The following CNTLN variants were observed in gnomAD, a reference collection of about 807,000 sequenced individuals.
CNTLN encodes centlein, centrosomal protein.
Under a neutral mutation model 180.0 loss-of-function variants are expected in CNTLN, and 212 were observed. The ratio of observed to expected loss-of-function variants is 1.18; its 90% confidence interval spans 1.05 to 1.32. CNTLN has a LOEUF of 1.32. Ranked by LOEUF, CNTLN falls within the 40% of genes most tolerant of loss-of-function variation. The pLI is 0.00. For missense variants in CNTLN, 2,095 were observed against 1,610.9 expected (o/e 1.30, Z -5.14); for synonymous variants, 722 against 563.1 (o/e 1.28, Z -3.99).
intron 25 of CNTLN, among the ~76,000 whole-genome samples, chr9:17,487,933 A>C (rs190538727): frequency 4.1e-4 from 63 of 152,252 alleles, no homozygotes; most frequent in Admixed American, 1.9e-3. Context: ...CTTTTTCATT[A>C]TAGTTCTTTC....
intron 5 of CNTLN, among the ~76,000 whole-genome samples, chr9:17,256,930 A>C (rs1179582528): frequency 6.6e-6 from 1 of 151,868 alleles, no homozygotes; most frequent in Non-Finnish European, 1.5e-5. Context: ...GGCCTAGTGC[A>C]GGAGCTCAGT....
Position 17,146,973 on chromosome 9 carries a change from C to T in CNTLN, c.449+3597C>T, listed in dbSNP as rs1223672749. Among the ~76,000 whole-genome samples, 5 of 152,034 alleles carry T rather than the reference C, an allele frequency of 3.3e-5. No homozygotes were observed. The East Asian group carries it at 9.7e-4, about 29-fold the overall frequency. On this transcript the variant is annotated intron_variant, in intron 2 of 25. Transcript: ENST00000380647. ...CTCTGTTTTAAATTAAAAAAAATTT[C>T]CTTGTCTTTCTCTTTGATGCTGTTG...
Position 17,399,820 on chromosome 9 carries a change from A to G in CNTLN, c.2615+4751A>G, listed in dbSNP as rs186776226. 3.3e-5 allele frequency among the ~76,000 whole-genome samples: 5 copies of G among 152,344 alleles called. No individual in the cohort carries two copies. The East Asian group carries it at 9.6e-4, about 29-fold the overall frequency. On this transcript the variant is annotated intron_variant, in intron 15 of 25. Coordinates refer to ENST00000380647, the MANE Select transcript of CNTLN (RefSeq NM_017738.4). The stretch of plus-strand genomic sequence containing the variant: ...TATACCAGAGGAAAGGAACGTCCTT[A>G]TCTCAAAAGACAGAGGAACACCAAG...
chr9:17,451,192 A>T (rs1435119944), intron 18 of CNTLN, among the ~76,000 whole-genome samples: 1 of 152,038 alleles, frequency 6.6e-6, no homozygotes, highest in Non-Finnish European at 1.5e-5. Flanking sequence ...GATTATGGTG[A>T]CTTTCTAGGG....
the CNTLN span, among the ~76,000 whole-genome samples, chr9:17,521,648 A>G: frequency 6.6e-6 from 1 of 152,096 alleles, no homozygotes. Flanking sequence ...ATGGTGTGGA[A>G]CTCTACTATC....
At chr9:17,231,000 T>TA in intron 3 of CNTLN, among the ~76,000 whole-genome samples, 1 of 152,278 alleles carries the variant, frequency 6.6e-6, no homozygotes, top group East Asian at 1.9e-4. Context: ...ATTAAGTTGT[T>TA]ATTCTCTCTA....
intron 25 of CNTLN, among the ~76,000 whole-genome samples, chr9:17,502,111 TGA>T (rs1833781505): frequency 6.6e-6 from 1 of 152,202 alleles, no homozygotes; most frequent in Admixed American, 6.5e-5. Flanking sequence ...CTACAATTCT[TGA>T]GATTTTCGGC....
In CNTLN at chr9:17,349,284, T is replaced by C. The variant is rs112260648; in HGVS notation, c.1886+6840T>C. 3.0e-3 allele frequency among the ~76,000 whole-genome samples: 456 copies of C among 152,314 alleles called. 4 individuals carry two copies. The highest frequency in any genetic ancestry group is 0.01 in the African/African-American group (432 of 41,580). Reference sequence around the variant, plus strand: ...ACAGAAGTTTCAGCTTGTTTTTCTATGGGCCAGGCAGTCTTACTTTTGAGT... The same window carrying C: ...ACAGAAGTTTCAGCTTGTTTTTCTACGGGCCAGGCAGTCTTACTTTTGAGT... On this transcript the variant is annotated intron_variant, in intron 12 of 25. Transcript: ENST00000380647.
At chr9:17,183,110 T>C (rs1821225546) in intron 2 of CNTLN, among the ~76,000 whole-genome samples, 1 of 152,224 alleles carries the variant, frequency 6.6e-6, no homozygotes. Flanking sequence ...TAGTGATGGA[T>C]AGAATCTGTA....
At chr9:17,412,094 A>G (rs1439481874) in intron 16 of CNTLN, among the ~76,000 whole-genome samples, 2 of 150,936 alleles carry the variant, frequency 1.3e-5, no homozygotes, top group South Asian at 2.1e-4. Flanking sequence ...TCCAGCCATG[A>G]TGGTATCAGC....
chr9:17,456,743 A>G (rs529940781), intron 18 of CNTLN, among the ~76,000 whole-genome samples: 2 of 152,204 alleles, frequency 1.3e-5, no homozygotes, highest in South Asian at 2.1e-4. Context: ...AGTAATGCAA[A>G]CACCCTCTTA....
At chr9:17,213,705 G>T (rs1342678353) in intron 2 of CNTLN, among the ~76,000 whole-genome samples, 2 of 152,234 alleles carry the variant, frequency 1.3e-5, no homozygotes, top group Non-Finnish European at 1.5e-5. Context: ...CTCTTTGTAG[G>T]TCTCTAAGGA....
intron 14 of CNTLN, among the ~76,000 whole-genome samples, chr9:17,392,248 A>T (rs1364310745): frequency 2.0e-5 from 3 of 152,162 alleles, no homozygotes; most frequent in Non-Finnish European, 2.9e-5. Flanking sequence ...CTGGGCAATA[A>T]AGTGAGATCT....
At chr9:17,179,284 T>G (rs1318731408) in intron 2 of CNTLN, among the ~76,000 whole-genome samples, 1 of 151,364 alleles carries the variant, frequency 6.6e-6, no homozygotes, top group Admixed American at 6.6e-5. Context: ...AGATTATTGA[T>G]TTGAGATTTT....
chr9:17,346,430 C>G (rs1328339280), intron 12 of CNTLN, among the ~76,000 whole-genome samples: 1 of 152,146 alleles, frequency 6.6e-6, no homozygotes, highest in Non-Finnish European at 1.5e-5. Context: ...ATGGGAATTA[C>G]AATTCAAGAT....
chr9:17,362,970 T>C (rs1451656973), intron 12 of CNTLN, among the ~76,000 whole-genome samples: 2 of 152,164 alleles, frequency 1.3e-5, no homozygotes, highest in African/African-American at 4.8e-5. Context: ...CTCCCACTTA[T>C]GAGTGAGAAA....
chr9:17,266,303 G>A (rs1020696462), intron 5 of CNTLN, among the ~76,000 whole-genome samples: 2 of 152,182 alleles, frequency 1.3e-5, no homozygotes, highest in Non-Finnish European at 2.9e-5. Context: ...GTACCCAGTA[G>A]TCACTCAGGA....
rs1029923526 is a variant in CNTLN at position 17,262,045 on chromosome 9, G to T, written c.850-11688G>T. On this transcript the variant is annotated intron_variant, in intron 5 of 25. Coordinates refer to ENST00000380647, the MANE Select transcript of CNTLN (RefSeq NM_017738.4). ...ATGAGATACCATCTCACGCCAGTTAGAACAGCGATTATTAAAAAGTTAGGA... is the reference window on the plus strand; with the variant it reads ...ATGAGATACCATCTCACGCCAGTTATAACAGCGATTATTAAAAAGTTAGGA... 5.9e-5 allele frequency among the ~76,000 whole-genome samples: 9 copies of T among 151,520 alleles called. 2 individuals carry two copies. Among genetic ancestry groups the T allele is most frequent in the African/African-American group, 2.2e-4 (9 of 40,814 alleles).
chr9:17,259,031 A>AGG (rs1463872478), intron 5 of CNTLN, among the ~76,000 whole-genome samples: 2 of 149,586 alleles, frequency 1.3e-5, no homozygotes, highest in Non-Finnish European at 2.9e-5. Flanking sequence ...GTGGTGAGAG[A>AGG]GGGCATCCCT....
Sources: gnomAD v4.1 joint callset for allele counts (sites outside exome capture counted in the v4.1 genomes callset) on GRCh38, gnomAD v4.1.1 for gene constraint, MANE v1.5 for transcripts, NCBI Gene and HGNC (gene_info 2026-07-23, HGNC 2026-07-21) for gene names.